The following MICU3 variants were observed in gnomAD, a reference collection of about 807,000 sequenced individuals.
MICU3 encodes the protein mitochondrial calcium uptake 3, also known as calcium uptake protein 3, mitochondrial.
MICU3 carries 62 observed loss-of-function variants against 66.5 expected under a neutral mutation model. The observed-to-expected ratio is 0.93, with a 90% confidence interval of 0.76 to 1.15. The LOEUF (loss-of-function observed/expected upper bound fraction) is 1.15. MICU3 is among the 50% of genes most tolerant of loss of function. MICU3 has a pLI of 0.00. For synonymous variants in MICU3, 308 were observed against 240.7 expected, an observed-to-expected ratio of 1.28 and a Z score of -2.59; for missense variants, 779 against 664.4, an observed-to-expected ratio of 1.17 and a Z score of -1.90.
chr8:17,046,684 T>C (rs1815145216), intron 1 of MICU3, among the ~76,000 whole-genome samples: 1 of 152,000 alleles, frequency 6.6e-6, no homozygotes. Context: ...AAACTAGACC[T>C]TGGGAAGCTG....
rs2952123 is a variant in MICU3, at chr8:17,121,155, A to G, written c.*868A>G. ...AACACTAGTAAAAATAACGTCTTAC[A>G]CTCTGTAACTTACTGCATATTGTTA... On this transcript the variant is annotated 3_prime_UTR_variant, in exon 15 of 15. Coordinates refer to ENST00000318063, the MANE Select transcript of MICU3 (RefSeq NM_181723.3). The G allele has an allele frequency of 2.0e-5, 3 of 151,866 alleles. No homozygotes were observed. The highest frequency in any genetic ancestry group is 4.8e-5 in the African/African-American group (2 of 41,424). The allele number at this position is 151,866 out of a possible 1,614,324, so 9.4% of individuals were successfully genotyped here. A position where few individuals can be genotyped will look rare whatever the true frequency, so the allele number is the denominator to read the frequency against.
rs1194928810 is a variant in MICU3, at chr8:17,098,440, T to G, written c.889-18T>G. 1 of 1,480,736 alleles carries G rather than the reference T, an allele frequency of 6.8e-7. No homozygotes were observed. Among genetic ancestry groups the G allele is most frequent in the Non-Finnish European group, 9.4e-7 (1 of 1,058,802 alleles). 91.7% of individuals were successfully genotyped at this position (1,480,736 alleles called of 1,614,324 possible). On this transcript the variant is annotated intron_variant, in intron 8 of 14. Coordinates refer to ENST00000318063, the MANE Select transcript of MICU3 (RefSeq NM_181723.3). Reference sequence around the variant, plus strand: ...ACTATTCTTTAGATTTCAGTTGTGCTTCTTAAAACTTCTACAGGTACTTAA... The same window carrying G: ...ACTATTCTTTAGATTTCAGTTGTGCGTCTTAAAACTTCTACAGGTACTTAA...
rs1054049188 is a variant in MICU3 at position 17,094,964 on chromosome 8, C to A, written c.889-3494C>A. On this transcript the variant is annotated intron_variant, in intron 8 of 14. Transcript: ENST00000318063. ...TGCATAATTCTTCATGTTTATCTTC[C>A]GGTTCATTAATTCTACTAGAGATAT... 3.3e-5 allele frequency among the ~76,000 whole-genome samples: 5 copies of A among 152,006 alleles called. No homozygotes were observed. In the East Asian group the frequency reaches 9.7e-4, roughly 29 times the overall value.
chr8:17,077,030 C>G lies in MICU3; in HGVS notation c.568-753C>G, dbSNP rs536921712. Among the ~76,000 whole-genome samples the G allele has an allele frequency of 2.6e-5, 4 of 152,262 alleles. No homozygotes were observed. The South Asian group carries it at 8.3e-4, about 32-fold the overall frequency. On this transcript the variant is annotated intron_variant, in intron 3 of 14. Coordinates refer to ENST00000318063, the MANE Select transcript of MICU3 (RefSeq NM_181723.3). The stretch of plus-strand genomic sequence containing the variant: ...TTTTCACTTAGTCGTTTTTAACAGA[C>G]TATACACAATAAATTCAAAATTGAT...
At chr8:17,109,756 T>A (rs1423593772) in intron 11 of MICU3, among the ~76,000 whole-genome samples, 1 of 152,152 alleles carries the variant, frequency 6.6e-6, no homozygotes. Context: ...TAAAAATTTT[T>A]AAAATGCCAT....
intron 1 of MICU3, among the ~76,000 whole-genome samples, chr8:17,060,661 T>C (rs375646311): frequency 6.6e-6 from 1 of 152,202 alleles, no homozygotes; most frequent in South Asian, 2.1e-4. Context: ...TATTGGTGTG[T>C]TTTAGTAGAC....
At chr8:17,068,494 C>G (rs1819060411) in intron 2 of MICU3, among the ~76,000 whole-genome samples, 1 of 152,074 alleles carries the variant, frequency 6.6e-6, no homozygotes, top group Admixed American at 6.6e-5. Flanking sequence ...ATAATAAATA[C>G]TATTTGTATT....
chr8:17,134,177 T>C, the MICU3 span: 2 of 152,160 alleles, frequency 1.3e-5, no homozygotes, highest in African/African-American at 2.4e-5. Context: ...CATAAAGAGA[T>C]TTATTGTAAG....
At chr8:17,038,946 C>T (rs1020394677) in intron 1 of MICU3, among the ~76,000 whole-genome samples, 4 of 125,270 alleles carry the variant, frequency 3.2e-5, no homozygotes, top group Non-Finnish European at 6.2e-5. Context: ...GAGCGAGACT[C>T]TGTCTCAAAA....
At chr8:17,075,025 A>G (rs1435215789) in intron 3 of MICU3, among the ~76,000 whole-genome samples, 1 of 152,062 alleles carries the variant, frequency 6.6e-6, no homozygotes. Context: ...CCTCAGGTTT[A>G]ATGATTTGCT....
At chr8:17,137,818 G>C in the MICU3 span, among the ~76,000 whole-genome samples, 2 of 143,920 alleles carry the variant, frequency 1.4e-5, no homozygotes, top group African/African-American at 5.1e-5. Context: ...CCAGATTCAA[G>C]CAGTTCTCCT....
chr8:17,104,948 TGG>T, intron 10 of MICU3, among the ~76,000 whole-genome samples: 1 of 29,874 alleles, frequency 3.3e-5, no homozygotes, highest in Non-Finnish European at 4.7e-5. Flanking sequence ...TGAGCCGAGA[TGG>T]CGCCACTGCA....
intron 13 of MICU3, among the ~76,000 whole-genome samples, chr8:17,116,912 A>C (rs1172131053): frequency 2.6e-5 from 4 of 152,166 alleles, no homozygotes; most frequent in Non-Finnish European, 5.9e-5. Flanking sequence ...TCTGCATATT[A>C]GCTTTTCGGA....
In MICU3 at chr8:17,074,169, A is replaced by T. The variant is rs140696557; in HGVS notation, c.568-3614A>T. On this transcript the variant is annotated intron_variant, in intron 3 of 14. Transcript: ENST00000318063. ...CCAAAGTGCTGGGATTACAGGTGTG[A>T]GCTGCCGTGCCCAGCCTGTATAGTG... 8.9e-3 allele frequency among the ~76,000 whole-genome samples: 1,355 copies of T among 151,848 alleles called. 15 individuals carry two copies. The highest frequency in any genetic ancestry group is 0.03 in the African/African-American group (1,234 of 41,398).
chr8:17,097,386 G>A (rs1308840323), intron 8 of MICU3, among the ~76,000 whole-genome samples: 1 of 151,518 alleles, frequency 6.6e-6, no homozygotes, highest in East Asian at 1.9e-4. Flanking sequence ...TATAGTTATG[G>A]TAATATTTAT....
At chr8:17,090,419 A>T in intron 7 of MICU3, 127 bp from the exon 8 acceptor site, 2 of 723,270 alleles carry the variant, frequency 2.8e-6, no homozygotes, top group Middle Eastern at 2.5e-4. Context: ...TGCTCTATAT[A>T]AAATGTAGCA....
At chr8:17,106,504 A>G (rs1024448450) in intron 11 of MICU3, among the ~76,000 whole-genome samples, 6 of 148,382 alleles carry the variant, frequency 4.0e-5, no homozygotes, top group Non-Finnish European at 8.9e-5. Flanking sequence ...TAGTAGTGCA[A>G]TTTTTCCAGC....
the MICU3 span, chr8:17,132,635 C>A: frequency 6.6e-6 from 1 of 152,160 alleles, no homozygotes; most frequent in Non-Finnish European, 1.5e-5. Context: ...CATGAGGAGT[C>A]CAGAATAGCC....
chr8:17,047,555 C>A (rs1380228765), intron 1 of MICU3, among the ~76,000 whole-genome samples: 1 of 152,152 alleles, frequency 6.6e-6, no homozygotes, highest in East Asian at 1.9e-4. Context: ...TGAAGTGAAA[C>A]TGTAAAATCA....
Sources: gnomAD v4.1 joint callset for allele counts (sites outside exome capture counted in the v4.1 genomes callset) on GRCh38, gnomAD v4.1.1 for gene constraint, MANE v1.5 for transcripts, NCBI Gene and HGNC (gene_info 2026-07-23, HGNC 2026-07-21) for gene names.